Variants in PDSS1 observed in about 807,000 individuals in gnomAD.
PDSS1 encodes the protein decaprenyl diphosphate synthase subunit 1.
Under a neutral mutation model 57.5 loss-of-function variants are expected in PDSS1, and 43 were observed. The observed-to-expected ratio is 0.75, with a 90% CI of 0.59 to 0.96. The LOEUF (loss-of-function observed/expected upper bound fraction) is 0.96. PDSS1 is among the 50% of genes least tolerant of loss of function. The pLI is 0.00. For missense variants in PDSS1, 438 were observed against 527.8 expected (o/e 0.83, Z 1.67); for synonymous variants, 175 against 191.3 (o/e 0.91, Z 0.70).
chr10:26,744,368 TTTTATTTTTATTTTATTA>T (rs1243230950), intron 11 of PDSS1, among the ~76,000 whole-genome samples: 1 of 150,848 alleles, frequency 6.6e-6, no homozygotes, highest in Non-Finnish European at 1.5e-5. Flanking sequence ...CACTATTTTA[TTTTATTTTTATTTTATTA>T]TTTTATTTTA....
chr10:26,699,482 C>T (rs1351760068), intron 1 of PDSS1, among the ~76,000 whole-genome samples: 1 of 151,638 alleles, frequency 6.6e-6, no homozygotes, highest in Non-Finnish European at 1.5e-5. Context: ...GCAAACTCCA[C>T]CTCCCAGGTT....
At chr10:26,743,741 C>T (rs1384257150) in intron 11 of PDSS1, among the ~76,000 whole-genome samples, 1 of 152,150 alleles carries the variant, frequency 6.6e-6, no homozygotes, top group Non-Finnish European at 1.5e-5. Context: ...CAAAAATCCA[C>T]GGGAATGTTC....
At chr10:26,730,627 A>T (rs558209191) in intron 8 of PDSS1, among the ~76,000 whole-genome samples, 155 of 152,154 alleles carry the variant, frequency 1.0e-3, no homozygotes, top group African/African-American at 2.8e-3. Context: ...ATAATAATAA[A>T]AAAAATAAAA....
intron 2 of PDSS1, among the ~76,000 whole-genome samples, 184 bp downstream of exon 2, chr10:26,702,378 T>A (rs369955026): frequency 1.3e-5 from 2 of 152,302 alleles, no homozygotes; most frequent in African/African-American, 4.8e-5. Flanking sequence ...AATCCCCATG[T>A]GTCAAAGGAG....
At chr10:26,722,173 G>C (rs895969707) in intron 6 of PDSS1, among the ~76,000 whole-genome samples, 1 of 152,166 alleles carries the variant, frequency 6.6e-6, no homozygotes, top group Non-Finnish European at 1.5e-5. Flanking sequence ...AATGATGTAG[G>C]GGCTGGGTCG....
At chr10:26,704,419 G>A (rs1371338924) in intron 2 of PDSS1, among the ~76,000 whole-genome samples, 1 of 151,630 alleles carries the variant, frequency 6.6e-6, no homozygotes, top group African/African-American at 2.4e-5. Context: ...TATGAATATG[G>A]AAATGGCTTT....
intron 2 of PDSS1, among the ~76,000 whole-genome samples, chr10:26,703,025 A>G (rs1257460548): frequency 2.0e-5 from 3 of 152,242 alleles, no homozygotes; most frequent in African/African-American, 7.2e-5. Flanking sequence ...TAGTAGCTTG[A>G]TTGAATAGAT....
chr10:26,717,138 G>A (rs141636145), intron 5 of PDSS1, among the ~76,000 whole-genome samples: 107 of 152,296 alleles, frequency 7.0e-4, no homozygotes, highest in African/African-American at 2.4e-3. Context: ...TATATTCTAC[G>A]TAGAAGCTGT....
chr10:26,699,633 G>A (rs1588664567), intron 1 of PDSS1, among the ~76,000 whole-genome samples: 1 of 152,190 alleles, frequency 6.6e-6, no homozygotes, highest in African/African-American at 2.4e-5. Context: ...GACCTCAAGT[G>A]ATCCACCCCC....
Position 26,746,327 on chromosome 10 carries a change from TTA to T in PDSS1, c.1108-3_1108-2del, listed in dbSNP as rs1460419588. On this transcript the variant is annotated splice_polypyrimidine_tract_variant and splice_region_variant and intron_variant, in intron 11 of 11. Transcript: ENST00000376215. ...CATCTGTTCTGTTTTGTTCTGTATC[TTA>T]TAGAGTGATGGTGTGCAACAAACAA... 1.2e-6 allele frequency: 2 copies of T among 1,613,928 alleles called. No homozygotes were observed. The highest frequency in any genetic ancestry group is 1.7e-6 in the Non-Finnish European group (2 of 1,179,938).
intron 8 of PDSS1, among the ~76,000 whole-genome samples, chr10:26,728,010 G>A (rs1448842700): frequency 3.3e-5 from 5 of 152,124 alleles, no homozygotes; most frequent in Admixed American, 2.0e-4. Flanking sequence ...CAGGAGGCGC[G>A]TGCTGTCTTG....
intron 1 of PDSS1, among the ~76,000 whole-genome samples, chr10:26,698,099 G>A (rs1349887800): frequency 1.3e-5 from 2 of 152,048 alleles, no homozygotes; most frequent in Non-Finnish European, 2.9e-5. Context: ...GCGTTTTGGG[G>A]GGTGGAGAAA....
rs112661893 is a variant in PDSS1 at position 26,746,411 on chromosome 10, C to A, written c.1186C>A (p.Pro396Thr). The part of the protein sequence containing the change: ...EAIREISKLR[P>T]SPERDALIQL... ...AATAAGAGAGATCAGTAAACTTCGA[C>A]CATCCCCAGAAAGAGATGCCCTCAT... Residue 396 changes from proline (P) to threonine (T), a missense_variant, in exon 12 of 12, where the codon CCA becomes ACA. Transcript: ENST00000376215. 6.2e-7 allele frequency: 1 copy of A among 1,614,028 alleles called. No homozygotes were observed. The highest frequency in any genetic ancestry group is 8.5e-7 in the Non-Finnish European group (1 of 1,179,896).
intron 10 of PDSS1, among the ~76,000 whole-genome samples, chr10:26,738,935 A>C (rs1042960956): frequency 1.1e-4 from 17 of 152,316 alleles, no homozygotes; most frequent in African/African-American, 3.6e-4. Flanking sequence ...AAGAATAAAA[A>C]CCTCATGTTA....
intron 6 of PDSS1, among the ~76,000 whole-genome samples, chr10:26,721,213 C>T (rs1383700165): frequency 1.3e-5 from 2 of 151,576 alleles, no homozygotes; most frequent in East Asian, 1.9e-4. Flanking sequence ...GCAGGAGAAT[C>T]GCTTGAACCT....
In PDSS1 at chr10:26,746,479, C is replaced by G; in HGVS notation, c.*6C>G. The G allele has an allele frequency of 6.2e-7, 1 of 1,613,946 alleles. No homozygotes were observed. Among genetic ancestry groups the G allele is most frequent in the East Asian group, 2.2e-5 (1 of 44,854 alleles). On this transcript the variant is annotated 3_prime_UTR_variant, in exon 12 of 12. Coordinates refer to ENST00000376215, the MANE Select transcript of PDSS1 (RefSeq NM_014317.5). ...TACTCACAAGAGATAAATGACAACT[C>G]TTTCTGTTCTTTCTGGCAGCTATCT...
At chr10:26,724,171 T>C in intron 8 of PDSS1, 48 bp downstream of exon 8, 1 of 1,272,190 alleles carries the variant, frequency 7.9e-7, no homozygotes, top group Non-Finnish European at 1.2e-6. Flanking sequence ...TAGCTCTTTT[T>C]TGGGAGCTAA....
intron 11 of PDSS1, among the ~76,000 whole-genome samples, chr10:26,743,754 T>C (rs1380616520): frequency 6.6e-6 from 1 of 152,244 alleles, no homozygotes; most frequent in Admixed American, 6.5e-5. Context: ...GAATGTTCTC[T>C]GAACAAATTC....
In PDSS1 at chr10:26,735,533, T is replaced by G. The variant is rs1202426206; in HGVS notation, c.980T>G (p.Leu327Arg). The G allele has an allele frequency of 6.2e-7, 1 of 1,614,056 alleles. No individual in the cohort carries two copies. Among genetic ancestry groups the G allele is most frequent in the East Asian group, 2.2e-5 (1 of 44,890 alleles). Reference protein sequence around the residue: ...DQMGKPTSADLKLGLATGPVL... With the variant: ...DQMGKPTSADRKLGLATGPVL... ...ATGGGCAAACCAACATCAGCTGATC[T>G]GAAGCTCGGGTTAGCCACTGGTCCT... The change falls in exon 10 of 12, where the codon CTG (leucine) becomes CGG (arginine). Residue 327 changes from leucine (L) to arginine (R), a missense_variant. By Grantham distance (102) the Leu-to-Arg change is moderately radical. Around this residue, in one of 2 missense-constraint regions of PDSS1, gnomAD observed 284 missense variants for 390.7 expected, o/e 0.73. Transcript: ENST00000376215.
Sources: allele counts gnomAD v4.1 joint callset (sites outside exome capture counted in the v4.1 genomes callset), GRCh38; gene constraint gnomAD v4.1.1; regional missense constraint gnomAD v4.1.1; transcripts MANE v1.5; gene names NCBI Gene and HGNC (gene_info 2026-07-23, HGNC 2026-07-21).